The following L3HYPDH variants were observed in gnomAD, a reference collection of about 807,000 sequenced individuals.
L3HYPDH encodes the protein trans-3-hydroxy-L-proline dehydratase.
A neutral mutation model predicts 26.5 loss-of-function variants in L3HYPDH; 32 were observed. That is an observed-to-expected ratio of 1.21 (90% CI 0.91 to 1.62). The LOEUF (loss-of-function observed/expected upper bound fraction) is 1.62. Among genes scored for constraint, L3HYPDH ranks in the 40% most tolerant of loss-of-function variants. L3HYPDH has a pLI of 0.00. For synonymous variants in L3HYPDH, 215 were observed against 196.6 expected, an observed-to-expected ratio of 1.09 and a Z score of -0.78; for missense variants, 554 against 476.4, an observed-to-expected ratio of 1.16 and a Z score of -1.52.
intron 4 of L3HYPDH, chr14:59,474,492 G>A (rs1327931777): frequency 1.4e-6 from 1 of 699,760 alleles, no homozygotes. Context: ...TATTTGGGGG[G>A]ACATTGCAAT....
At chr14:59,478,595 A>T (rs1478367789) in intron 2 of L3HYPDH, 1 of 152,366 alleles carries the variant, frequency 6.6e-6, no homozygotes, top group Admixed American at 6.5e-5. Context: ...AAAAAAAATA[A>T]TATTATCATT....
At chr14:59,484,479 C>T (rs1184903527), upstream of L3HYPDH, 6 of 1,438,892 alleles carry the variant, frequency 4.2e-6, no homozygotes, top group African/African-American at 2.8e-5. Flanking sequence ...TCGGAGCTGT[C>T]GCCCGGGTTA....
downstream of L3HYPDH, among the ~76,000 whole-genome samples, chr14:59,470,767 T>C (rs1228565577): frequency 6.6e-6 from 1 of 151,740 alleles, no homozygotes; most frequent in African/African-American, 2.4e-5. Flanking sequence ...AATAGCAAAA[T>C]GGAAGGTGAG....
intron 2 of L3HYPDH, among the ~76,000 whole-genome samples, chr14:59,476,658 T>C (rs571863896): frequency 2.7e-4 from 41 of 152,292 alleles, no homozygotes; most frequent in African/African-American, 7.2e-4. Context: ...TATCTAGAGC[T>C]GAAGTTAACA....
chr14:59,492,916 G>C, the L3HYPDH span, among the ~76,000 whole-genome samples: 3 of 151,318 alleles, frequency 2.0e-5, no homozygotes, highest in African/African-American at 7.3e-5. Flanking sequence ...TCCTGCCTCA[G>C]CCTCCCGAGT....
At chr14:59,484,470 C>T, upstream of L3HYPDH, 3 of 1,410,824 alleles carry the variant, frequency 2.1e-6, no homozygotes, top group Non-Finnish European at 2.9e-6. Flanking sequence ...GGAGGAACTT[C>T]GGAGCTGTCG....
chr14:59,505,100 T>C, the L3HYPDH span: 1 of 448,520 alleles, frequency 2.2e-6, no homozygotes, highest in African/African-American at 2.0e-5. Flanking sequence ...TATTTACTGA[T>C]ACTTGGTGGA....
Position 59,484,160 on chromosome 14 carries a change from A to T in L3HYPDH, c.157T>A (p.Tyr53Asn), listed in dbSNP as rs376269328. The change falls in exon 1 of 5, where the codon TAC becomes AAC. Residue 53 changes from tyrosine (Y) to asparagine (N), a missense_variant. Physicochemically the swap from Tyr to Asn is moderately radical, Grantham distance 143 (BLOSUM62 -2). Transcript: ENST00000247194. Reference protein sequence around the residue: ...SGPTLLAKRRYMRQHLDHVRR... With the variant: ...SGPTLLAKRRNMRQHLDHVRR... ...ACGTGGTCAAGGTGCTGGCGCATGT[A>T]GCGCCGCTTGGCCAGCAGGGTGGGC... The T allele has an allele frequency of 1.2e-6, 2 of 1,600,600 alleles. No individual in the cohort carries two copies. Among genetic ancestry groups the T allele is most frequent in the Non-Finnish European group, 1.7e-6 (2 of 1,179,416 alleles).
chr14:59,483,167 A>G (rs1890163850), intron 1 of L3HYPDH, among the ~76,000 whole-genome samples: 1 of 152,204 alleles, frequency 6.6e-6, no homozygotes, highest in Admixed American at 6.5e-5. Flanking sequence ...AAAAAACTCT[A>G]TGAGGGAAAA....
chr14:59,484,918 T>C (rs531572671), upstream of L3HYPDH: 840 of 1,445,984 alleles, frequency 5.8e-4, 3 homozygotes, highest in East Asian at 8.6e-4. Context: ...ACGCGGGTGA[T>C]AGTGCAGAAA....
Position 59,483,948 on chromosome 14 carries a change from C to G in L3HYPDH, c.369G>C (p.Ala123=), listed in dbSNP as rs1425804105. ...GGGCCTCGCGGGTGCCCGCAGGGGGCGCCGGCACAAGCCCGAAGTCCAAAG... is the reference window on the plus strand; with the variant it reads ...GGGCCTCGCGGGTGCCCGCAGGGGGGGCCGGCACAAGCCCGAAGTCCAAAG... ...RFALDFGLVP[A]PPAGTREARV... is the part of the protein sequence containing the mutation. Residue 123 remains alanine (A), a synonymous_variant, in exon 1 of 5, where the codon GCG becomes GCC. Transcript: ENST00000247194. 5.2e-5 allele frequency: 81 copies of G among 1,557,254 alleles called. No homozygotes were observed. Among genetic ancestry groups the G allele is most frequent in the Admixed American group, 1.5e-4 (8 of 53,570 alleles).
At chr14:59,483,178 G>A (rs73303642) in intron 1 of L3HYPDH, among the ~76,000 whole-genome samples, 1,797 of 152,294 alleles carry the variant, frequency 0.012, 28 homozygotes, top group African/African-American at 0.042. Context: ...TGAGGGAAAA[G>A]AAGAAACACA....
chr14:59,467,678 C>T (rs1483079907), downstream of L3HYPDH, among the ~76,000 whole-genome samples: 1 of 152,144 alleles, frequency 6.6e-6, no homozygotes, highest in Non-Finnish European at 1.5e-5. Flanking sequence ...GTGGCCCCAA[C>T]CTACATGTCC....
upstream of L3HYPDH, chr14:59,487,668 T>G: frequency 6.2e-7 from 1 of 1,608,582 alleles, no homozygotes; most frequent in Non-Finnish European, 8.5e-7. Context: ...GTTTTATATA[T>G]TATAGGTATG....
chr14:59,467,388 C>A (rs917158060), intron 1 of L3HYPDH, among the ~76,000 whole-genome samples: 12 of 152,158 alleles, frequency 7.9e-5, no homozygotes, highest in African/African-American at 2.9e-4. Context: ...GCTCTGGAGA[C>A]TGAACTTCAT....
Position 59,475,978 on chromosome 14 carries a change from A to C in L3HYPDH, c.830T>G (p.Val277Gly), listed in dbSNP as rs1441120412. Residue 277 changes from valine to glycine, a missense_variant, in exon 4 of 5, where the codon GTG becomes GGG. By Grantham distance (109) the Val-to-Gly change is moderately radical. Transcript: ENST00000247194. ...ATACTGTAAGGCAATTCGGGCTGTC[A>C]CTCCTGAGCCAGTGGGACTTCTGTC... ...QVDRSPTGSG[V>G]TARIALQYHK... 1 of 1,613,886 alleles carries C rather than the reference A, an allele frequency of 6.2e-7. No homozygotes were observed. The highest frequency in any genetic ancestry group is 1.1e-5 in the South Asian group (1 of 91,064).
chr14:59,504,201 G>A, the L3HYPDH span: 3 of 639,888 alleles, frequency 4.7e-6, no homozygotes, highest in Admixed American at 2.9e-5. Flanking sequence ...TAATGTTTGG[G>A]TTTGTCTTTG....
the L3HYPDH span, chr14:59,494,883 A>C: frequency 3.1e-6 from 2 of 638,758 alleles, no homozygotes; most frequent in Non-Finnish European, 5.5e-6. Flanking sequence ...TTTTGAGAAA[A>C]AAAGGTTATA....
chr14:59,479,148 A>C, intron 2 of L3HYPDH, 34 bp downstream of exon 2: 1 of 1,499,002 alleles, frequency 6.7e-7, no homozygotes, highest in Non-Finnish European at 9.0e-7. Context: ...GCCACAGAGA[A>C]GGGAATTGGT....
Sources: gnomAD v4.1 joint callset for allele counts (sites outside exome capture counted in the v4.1 genomes callset) on GRCh38, gnomAD v4.1.1 for gene constraint, MANE v1.5 for transcripts, NCBI Gene and HGNC (gene_info 2026-07-23, HGNC 2026-07-21) for gene names.